Variants in ZNF475 observed in about 807,000 individuals in gnomAD.
ZNF475 encodes the protein zinc finger protein 475.
chr5:122,177,741 A>G, the ZNF475 span, among the ~76,000 whole-genome samples: 1 of 151,396 alleles, frequency 6.6e-6, no homozygotes, highest in African/African-American at 2.4e-5. Flanking sequence ...TCTAACAGAC[A>G]TTTTTTCTTT....
the ZNF475 span, among the ~76,000 whole-genome samples, chr5:122,165,307 G>A: frequency 6.6e-6 from 1 of 152,136 alleles, no homozygotes; most frequent in Non-Finnish European, 1.5e-5. Flanking sequence ...AAATTGAAAA[G>A]CATCTGATTC....
At chr5:122,168,515 C>T in the ZNF475 span, among the ~76,000 whole-genome samples, 1 of 152,092 alleles carries the variant, frequency 6.6e-6, no homozygotes, top group Admixed American at 6.5e-5. Flanking sequence ...TTGAGACCAT[C>T]CCCTGGCTAA....
chr5:122,175,080 G>T, the ZNF475 span, among the ~76,000 whole-genome samples: 2 of 152,080 alleles, frequency 1.3e-5, no homozygotes, highest in Admixed American at 1.3e-4. Context: ...CAGTTTATTG[G>T]CATAAGTTAA....
the ZNF475 span, among the ~76,000 whole-genome samples, chr5:122,170,534 G>A: frequency 1.3e-5 from 2 of 152,210 alleles, no homozygotes; most frequent in Non-Finnish European, 2.9e-5. Flanking sequence ...AAAGTACGGG[G>A]TTAGGGGTGG....
At chr5:122,169,524 C>A in the ZNF475 span, among the ~76,000 whole-genome samples, 7 of 152,034 alleles carry the variant, frequency 4.6e-5, no homozygotes, top group African/African-American at 1.7e-4. Flanking sequence ...TCCAGTTTGG[C>A]GTGGCTCAAA....
the ZNF475 span, among the ~76,000 whole-genome samples, chr5:122,166,180 G>T: frequency 6.6e-6 from 1 of 152,158 alleles, no homozygotes; most frequent in African/African-American, 2.4e-5. Context: ...AGGAATAAAT[G>T]GTGTGACACA....
At chr5:122,166,762 A>C in the ZNF475 span, among the ~76,000 whole-genome samples, 1 of 152,172 alleles carries the variant, frequency 6.6e-6, no homozygotes, top group African/African-American at 2.4e-5. Flanking sequence ...GGTTGGTTCC[A>C]AGTCTTTGCT....
At chr5:122,182,077 A>C in the ZNF475 span, among the ~76,000 whole-genome samples, 1 of 152,238 alleles carries the variant, frequency 6.6e-6, no homozygotes, top group Non-Finnish European at 1.5e-5. Context: ...ATACATGCTC[A>C]TTCCCCTTTG....
chr5:122,170,817 C>T, the ZNF475 span, among the ~76,000 whole-genome samples: 8 of 152,026 alleles, frequency 5.3e-5, no homozygotes, highest in South Asian at 1.5e-3. Flanking sequence ...GCTGTCTGGG[C>T]GGTCCTAGCC....
chr5:122,163,674 T>G, the ZNF475 span, among the ~76,000 whole-genome samples: 1 of 152,212 alleles, frequency 6.6e-6, no homozygotes, highest in Non-Finnish European at 1.5e-5. Context: ...CACAATCACA[T>G]AATTCCCTCA....
chr5:122,168,289 C>A, the ZNF475 span, among the ~76,000 whole-genome samples: 1 of 152,330 alleles, frequency 6.6e-6, no homozygotes, highest in Non-Finnish European at 1.5e-5. Flanking sequence ...GGTGATCCGC[C>A]CGCCTCGGCC....
chr5:122,168,358 G>A, the ZNF475 span, among the ~76,000 whole-genome samples: 1 of 152,028 alleles, frequency 6.6e-6, no homozygotes, highest in African/African-American at 2.4e-5. Flanking sequence ...TTTTTTTACT[G>A]TGACTTCAGA....
chr5:122,166,832 A>G, the ZNF475 span, among the ~76,000 whole-genome samples: 1 of 152,232 alleles, frequency 6.6e-6, no homozygotes, highest in African/African-American at 2.4e-5. Context: ...AGCATGATTT[A>G]TAATCCTTTG....
the ZNF475 span, among the ~76,000 whole-genome samples, chr5:122,160,750 G>A: frequency 3.3e-5 from 5 of 152,184 alleles, no homozygotes; most frequent in East Asian, 3.9e-4. Context: ...TTATACTCTC[G>A]AAAAGTTAAT....
At chr5:122,175,457 C>A in the ZNF475 span, among the ~76,000 whole-genome samples, 1 of 152,272 alleles carries the variant, frequency 6.6e-6, no homozygotes, top group South Asian at 2.1e-4. Context: ...TTAATTCCAA[C>A]AAAATTTCTT....
At chr5:122,165,255 G>A in the ZNF475 span, among the ~76,000 whole-genome samples, 3 of 152,236 alleles carry the variant, frequency 2.0e-5, no homozygotes, top group Non-Finnish European at 4.4e-5. Flanking sequence ...CAATGGAAAT[G>A]CAGTATCAAA....
the ZNF475 span, among the ~76,000 whole-genome samples, chr5:122,166,228 T>G: frequency 6.6e-6 from 1 of 152,336 alleles, no homozygotes; most frequent in Middle Eastern, 3.4e-3. Flanking sequence ...CAACTGTAGA[T>G]GAGGACTAAC....
the ZNF475 span, chr5:122,179,845 C>A: frequency 1.4e-6 from 1 of 726,738 alleles, no homozygotes; most frequent in Non-Finnish European, 2.1e-6. Flanking sequence ...AACAACATTT[C>A]TTGCCTTGGT....
At chr5:122,162,481 A>T in the ZNF475 span, 1 of 152,146 alleles carries the variant, frequency 6.6e-6, no homozygotes, top group Non-Finnish European at 1.5e-5. Context: ...CTATGCATTT[A>T]CTCCCATACA....
Sources: allele counts gnomAD v4.1 joint callset (sites outside exome capture counted in the v4.1 genomes callset), GRCh38; gene constraint gnomAD v4.1.1; transcripts MANE v1.5; gene names NCBI Gene and HGNC (gene_info 2026-07-23, HGNC 2026-07-21).